Variants in SMG6 observed in about 807,000 individuals in gnomAD.
The protein encoded by SMG6 is telomerase-binding protein EST1A.
In SMG6, 66 loss-of-function variants were observed where a neutral mutation model predicts 142.2. That is an observed-to-expected ratio of 0.46 (90% CI 0.38 to 0.57). The LOEUF (loss-of-function observed/expected upper bound fraction) is 0.57. Ranked by LOEUF, SMG6 falls within the 20% of genes least tolerant of loss-of-function variation. SMG6 has a pLI of 0.00. For synonymous variants in SMG6, 779 were observed against 702.4 expected, an observed-to-expected ratio of 1.11 and a Z score of -1.72; for missense variants, 1,793 against 1,832.0, an observed-to-expected ratio of 0.98 and a Z score of 0.39.
rs2073672153 is a variant in SMG6, at chr17:2,236,746, CA to C, written c.2724-110del. On this transcript the variant is annotated intron_variant, in intron 9 of 18. Transcript: ENST00000263073. ...ACACACACACACACACACACACACA[CA>C]CACACCAGACAACTACTGCCTAGGA... 1.8e-5 allele frequency: 16 copies of C among 883,488 alleles called. No homozygotes were observed. The Admixed American group carries it at 3.3e-4, about 18-fold the overall frequency. 54.7% of individuals were successfully genotyped at this position (883,488 alleles called of 1,614,324 possible). A position where few individuals can be genotyped will look rare whatever the true frequency, so the allele number is the denominator to read the frequency against.
chr17:2,129,378 C>T (rs1171767848), intron 13 of SMG6, among the ~76,000 whole-genome samples: 1 of 152,096 alleles, frequency 6.6e-6, no homozygotes, highest in Non-Finnish European at 1.5e-5. Context: ...AAAAACTACA[C>T]TATCATCAAC....
chr17:2,068,918 T>C lies in SMG6; in HGVS notation c.3695A>G (p.Asp1232Gly), dbSNP rs763298163. Residue 1232 changes from aspartate to glycine, a missense_variant, in exon 16 of 19, where the codon GAC becomes GGC. Asp to Gly is a moderately conservative substitution (Grantham distance 94). This residue lies in a region of SMG6 where 1,597 missense variants were observed against 1,584.6 expected (regional missense o/e 1.01). Coordinates refer to ENST00000263073, the MANE Select transcript of SMG6 (RefSeq NM_017575.5). The surrounding 1 kb of genome is among the most constrained non-coding windows in gnomAD (Gnocchi z 6.7). ...CTCCATCTGCCTCATCTGACTGTGG[T>C]CCTCCAGGACAGCCTATGGGGACAG... is the stretch of plus-strand genomic sequence containing the variant. ...RQEKIQAVLE[D>G]HSQMRQMELE... 1.9e-6 allele frequency: 3 copies of C among 1,614,160 alleles called. No homozygotes were observed. Among genetic ancestry groups the C allele is most frequent in the East Asian group, 4.5e-5 (2 of 44,884 alleles).
chr17:2,071,742 G>T lies in SMG6; in HGVS notation c.3682-2811C>A, dbSNP rs572228840. Among the ~76,000 whole-genome samples, 648 of 21,062 alleles carry T rather than the reference G, an allele frequency of 0.031. 3 individuals carry two copies. The highest frequency in any genetic ancestry group is 0.18 in the African/African-American group (596 of 3,342). The allele number at this position is 21,062 out of a possible 152,430, so 13.8% of individuals were successfully genotyped here. On this transcript the variant is annotated intron_variant, in intron 15 of 18. Transcript: ENST00000263073. The surrounding 1 kb of genome is among the most constrained non-coding windows in gnomAD (Gnocchi z 5.6). ...TGGGGTACCGGTGGGCCTCTGGGCGGGGGGGGTCACACCTGGGTCACAAGA... is the reference window on the plus strand; with the variant it reads ...TGGGGTACCGGTGGGCCTCTGGGCGTGGGGGGTCACACCTGGGTCACAAGA...
intron 10 of SMG6, among the ~76,000 whole-genome samples, chr17:2,219,334 G>A (rs1263360433): frequency 1.3e-5 from 2 of 152,146 alleles, no homozygotes; most frequent in South Asian, 2.1e-4. Flanking sequence ...GCAGTGAGCC[G>A]AGATCGCGCC....
intron 10 of SMG6, among the ~76,000 whole-genome samples, chr17:2,192,142 G>C (rs944582502): frequency 6.6e-6 from 1 of 152,256 alleles, no homozygotes; most frequent in African/African-American, 2.4e-5. Context: ...CAGGAGGGGC[G>C]GAGAGGGAAG....
At position 2,090,169 on chromosome 17, in the gene SMG6, C is replaced by T. The variant is rs147140386; in HGVS notation, c.3358-4268G>A. Among the ~76,000 whole-genome samples, 7 of 115,444 alleles carry T rather than the reference C, an allele frequency of 6.1e-5. No homozygotes were observed. The East Asian group carries it at 1.8e-3, about 29-fold the overall frequency. 75.7% of individuals were successfully genotyped at this position (115,444 alleles called of 152,430 possible). On this transcript the variant is annotated intron_variant, in intron 13 of 18. Coordinates refer to ENST00000263073, the MANE Select transcript of SMG6 (RefSeq NM_017575.5). ...CCGCACTCCAGCCCAGGCAACAAGG[C>T]GAGACTCTGTCTCAAAAAAAAAAAA...
chr17:2,169,522 GTGA>G (rs2151644328), intron 13 of SMG6, among the ~76,000 whole-genome samples: 1 of 152,278 alleles, frequency 6.6e-6, no homozygotes, highest in East Asian at 1.9e-4. Context: ...CTTTACCAAG[GTGA>G]TAGAAGGGAG....
intron 10 of SMG6, among the ~76,000 whole-genome samples, chr17:2,223,210 G>C (rs216172): frequency 0.35 from 53,825 of 152,094 alleles, 9,696 homozygotes; most frequent in Middle Eastern, 0.43. Flanking sequence ...ACTGATCCTT[G>C]CCTCAGAAGC....
At chr17:2,143,794 G>C (rs1016962820) in intron 13 of SMG6, among the ~76,000 whole-genome samples, 5 of 152,152 alleles carry the variant, frequency 3.3e-5, no homozygotes, top group African/African-American at 9.7e-5. Flanking sequence ...TTATTTTGTA[G>C]TTAGGAAATA....
At chr17:2,243,158 T>C (rs907258978) in intron 9 of SMG6, among the ~76,000 whole-genome samples, 8 of 152,220 alleles carry the variant, frequency 5.3e-5, no homozygotes, top group Admixed American at 2.0e-4. Context: ...ATTCATCTAC[T>C]GGTACCTTGT....
intron 12 of SMG6, among the ~76,000 whole-genome samples, chr17:2,183,765 CACACACACACACACACACACACACACAG>C (rs1167376311): frequency 1.5e-5 from 1 of 65,304 alleles, no homozygotes; most frequent in South Asian, 5.0e-4. Context: ...CACACACACA[CACACACACACACACACACACACACACAG>C]CAGAGGCAGA....
intron 13 of SMG6, among the ~76,000 whole-genome samples, chr17:2,117,264 T>C (rs2069537276): frequency 6.6e-6 from 1 of 151,934 alleles, no homozygotes. Flanking sequence ...CAAGGATGCC[T>C]GCTCTCACCA....
intron 13 of SMG6, chr17:2,127,874 TG>T (rs2069953072): frequency 1.8e-6 from 1 of 563,032 alleles, no homozygotes; most frequent in African/African-American, 1.9e-5. Context: ...TGCTTCATCT[TG>T]GTGGCCATAT....
At chr17:2,175,440 C>T (rs927660314) in intron 12 of SMG6, among the ~76,000 whole-genome samples, 7 of 152,074 alleles carry the variant, frequency 4.6e-5, no homozygotes, top group Admixed American at 3.3e-4. Flanking sequence ...CATCCTCCCA[C>T]CCCTACCATC....
At position 2,299,660 on chromosome 17, in the gene SMG6, T is replaced by C. The variant is rs200772699; in HGVS notation, c.1093A>G (p.Met365Val). 1.2e-5 allele frequency: 20 copies of C among 1,614,218 alleles called. No homozygotes were observed. The Middle Eastern group carries it at 1.8e-3, about 146-fold the overall frequency. Residue 365 changes from methionine (M) to valine (V), a missense_variant, in exon 2 of 19, where the codon ATG (methionine) becomes GTG (valine). Physicochemically the swap from Met to Val is conservative, Grantham distance 21. Transcript: ENST00000263073. This position sits in a 1 kb window ranked among gnomAD's most constrained non-coding sequence, Gnocchi z 4.3. ...DAEAMNKESP[M>V]VRSARDDMDR... ...ATATCATCCCTGGCTGACCTCACCA[T>C]GGGAGACTCTTTGTTCATGGCTTCT...
intron 11 of SMG6, among the ~76,000 whole-genome samples, chr17:2,187,770 C>T (rs1053720985): frequency 2.0e-5 from 3 of 150,396 alleles, no homozygotes; most frequent in African/African-American, 7.3e-5. Context: ...GCCTCCGAAG[C>T]TGGAGGCATT....
chr17:2,165,019 GA>G (rs1407135060), intron 13 of SMG6, among the ~76,000 whole-genome samples: 2 of 152,174 alleles, frequency 1.3e-5, no homozygotes, highest in Non-Finnish European at 2.9e-5. Flanking sequence ...TTTAGAGATT[GA>G]AGACATAAAC....
chr17:2,269,339 C>T (rs535295851), intron 8 of SMG6, among the ~76,000 whole-genome samples: 6 of 151,494 alleles, frequency 4.0e-5, no homozygotes, highest in East Asian at 1.9e-4. Flanking sequence ...TGCAATGAGC[C>T]GAGATCGTGC....
At chr17:2,187,347 C>G (rs566108510) in intron 11 of SMG6, among the ~76,000 whole-genome samples, 153 of 152,306 alleles carry the variant, frequency 1.0e-3, no homozygotes, top group African/African-American at 3.2e-3. Context: ...TGCACTGGAT[C>G]CCAGAGCAGA....
Sources: gnomAD v4.1 joint callset for allele counts (sites outside exome capture counted in the v4.1 genomes callset) on GRCh38, gnomAD v4.1.1 for gene constraint, gnomAD v4.1.1 regional missense constraint, Gnocchi (gnomAD v3.1) non-coding constraint, MANE v1.5 for transcripts, NCBI Gene and HGNC (gene_info 2026-07-23, HGNC 2026-07-21) for gene names.